CDYL: variants seen among roughly 807,000 people sequenced by gnomAD.
CDYL encodes chromodomain Y like, also known as chromodomain Y-like protein.
Under a neutral mutation model 47.3 loss-of-function variants are expected in CDYL, and 8 were observed. The ratio of observed to expected loss-of-function variants is 0.17; its 90% CI spans 0.10 to 0.31. The LOEUF is 0.31. Ranked by LOEUF, CDYL falls within the 10% of genes least tolerant of loss-of-function variation. The probability of loss-of-function intolerance (pLI) is 1.00; values close to 1 mark genes in which losing one functional copy is unlikely to be tolerated. For synonymous variants in CDYL, 266 were observed against 265.0 expected (o/e 1.00, Z -0.04); for missense variants, 471 against 701.4 (o/e 0.67, Z 3.71).
chr6:4,826,776 A>G (rs1013311135), intron 1 of CDYL, among the ~76,000 whole-genome samples: 3 of 152,216 alleles, frequency 2.0e-5, no homozygotes, highest in African/African-American at 7.2e-5. Flanking sequence ...TGTTCTGGAA[A>G]ATGATTCATA....
intron 2 of CDYL, among the ~76,000 whole-genome samples, chr6:4,903,188 G>A (rs1468420569): frequency 6.6e-6 from 1 of 152,210 alleles, no homozygotes; most frequent in Non-Finnish European, 1.5e-5. Flanking sequence ...GCCGCCCTAA[G>A]CACTTAGGGG....
chr6:4,925,920 T>C (rs1314662067), intron 2 of CDYL, among the ~76,000 whole-genome samples: 1 of 152,202 alleles, frequency 6.6e-6, no homozygotes, highest in African/African-American at 2.4e-5. Context: ...CGTTTTCCCC[T>C]GTACTAGAAC....
rs947708830 is a variant in CDYL at position 4,854,251 on chromosome 6, T to C, written c.25-37462T>C. 6.6e-5 allele frequency among the ~76,000 whole-genome samples: 10 copies of C among 152,350 alleles called. No homozygotes were observed. The South Asian group carries it at 1.7e-3, about 25-fold the overall frequency. ...ACTGGAATTGTCGCTTAGATTCTTATGTAATCTGAGTGATGCCGTCTTGCA... is the reference window on the plus strand; with the variant it reads ...ACTGGAATTGTCGCTTAGATTCTTACGTAATCTGAGTGATGCCGTCTTGCA... On this transcript the variant is annotated intron_variant, in intron 1 of 6. Transcript: ENST00000397588.
intron 2 of CDYL, among the ~76,000 whole-genome samples, chr6:4,932,990 C>T (rs1021434687): frequency 2.0e-5 from 3 of 152,196 alleles, no homozygotes; most frequent in Admixed American, 6.5e-5. Context: ...CTCCCTGCGT[C>T]GCCTCTTCTG....
At chr6:4,914,034 A>G (rs1455621133) in intron 2 of CDYL, among the ~76,000 whole-genome samples, 3 of 152,064 alleles carry the variant, frequency 2.0e-5, no homozygotes, top group African/African-American at 7.2e-5. Flanking sequence ...CTCTCCTAGG[A>G]GTGGACTATT....
chr6:4,864,830 T>G (rs557151285), intron 1 of CDYL, among the ~76,000 whole-genome samples: 1 of 151,628 alleles, frequency 6.6e-6, no homozygotes, highest in South Asian at 2.1e-4. Flanking sequence ...TTCAGGTATG[T>G]CTTTATCAGC....
chr6:4,846,553 T>C (rs1276406752), intron 1 of CDYL, among the ~76,000 whole-genome samples: 1 of 152,154 alleles, frequency 6.6e-6, no homozygotes, highest in Non-Finnish European at 1.5e-5. Flanking sequence ...GAGGGAGCTG[T>C]TAGTTATCTT....
intron 2 of CDYL, among the ~76,000 whole-genome samples, chr6:4,720,808 C>T (rs745617989): frequency 3.9e-5 from 6 of 152,300 alleles, no homozygotes; most frequent in Non-Finnish European, 7.3e-5. Flanking sequence ...AATTGAAAAG[C>T]ATTCGGATCA....
At chr6:4,922,595 C>T (rs561966694) in intron 2 of CDYL, among the ~76,000 whole-genome samples, 5 of 152,314 alleles carry the variant, frequency 3.3e-5, no homozygotes, top group Admixed American at 6.5e-5. Flanking sequence ...CCCACCAGTA[C>T]GTGCTTCAGA....
intron 1 of CDYL, among the ~76,000 whole-genome samples, chr6:4,885,049 A>G (rs1157196538): frequency 6.6e-6 from 1 of 151,970 alleles, no homozygotes; most frequent in Non-Finnish European, 1.5e-5. Flanking sequence ...TCTGGAGTGC[A>G]GTGGTGTGAT....
intron 1 of CDYL, among the ~76,000 whole-genome samples, chr6:4,788,052 G>A (rs1758804126): frequency 6.6e-6 from 1 of 151,970 alleles, no homozygotes. Context: ...GATTATAGGT[G>A]TGAGCCACCG....
chr6:4,914,975 C>T (rs1409409590), intron 2 of CDYL, among the ~76,000 whole-genome samples: 1 of 152,220 alleles, frequency 6.6e-6, no homozygotes, highest in Non-Finnish European at 1.5e-5. Context: ...GGCACGTATC[C>T]TTGCCTTTAT....
At position 4,935,496 on chromosome 6, in the gene CDYL, G is replaced by A. The variant is rs1373789510; in HGVS notation, c.692-19G>A. 1 of 1,612,248 alleles carries A rather than the reference G, an allele frequency of 6.2e-7. No homozygotes were observed. Among genetic ancestry groups the A allele is most frequent in the African/African-American group, 1.3e-5 (1 of 75,004 alleles). The stretch of plus-strand genomic sequence containing the variant: ...GTGGTGGGACATCACAGACTACTGT[G>A]ATTTCAAACTCTCGGCAGGTACATC... On this transcript the variant is annotated intron_variant, in intron 2 of 6. Transcript: ENST00000397588.
intron 2 of CDYL, among the ~76,000 whole-genome samples, chr6:4,927,479 A>G (rs1232561109): frequency 8.0e-6 from 1 of 125,742 alleles, no homozygotes; most frequent in Non-Finnish European, 1.6e-5. Flanking sequence ...ACGGAGTCTC[A>G]CTCTGTTGCC....
intron 5 of CDYL, among the ~76,000 whole-genome samples, chr6:4,944,564 C>T (rs1267060210): frequency 6.6e-6 from 1 of 152,186 alleles, no homozygotes; most frequent in East Asian, 1.9e-4. Flanking sequence ...CATGGCAGCA[C>T]AGTTCCATGT....
chr6:4,763,341 G>A (rs928471407), intron 3 of CDYL, among the ~76,000 whole-genome samples: 3 of 151,962 alleles, frequency 2.0e-5, no homozygotes, highest in Admixed American at 6.6e-5. Flanking sequence ...TAAATATGTA[G>A]GTGACTCTAA....
At position 4,943,765 on chromosome 6, in the gene CDYL, C is replaced by G. The variant is rs760150964; in HGVS notation, c.1332+9C>G. ...TAATGGGAGGAGCATCTGTGAGTACCTTTTTAAAAAAAAAAAAAAAAAGTC... is the reference window on the plus strand; with the variant it reads ...TAATGGGAGGAGCATCTGTGAGTACGTTTTTAAAAAAAAAAAAAAAAAGTC... On this transcript the variant is annotated intron_variant, in intron 5 of 6. Transcript: ENST00000397588. 1 of 1,200,600 alleles carries G rather than the reference C, an allele frequency of 8.3e-7. No individual in the cohort carries two copies. The highest frequency in any genetic ancestry group is 1.9e-5 in the African/African-American group (1 of 51,854). 74.4% of individuals were successfully genotyped at this position (1,200,600 alleles called of 1,614,324 possible).
chr6:4,833,645 G>T (rs1448057207), intron 1 of CDYL, among the ~76,000 whole-genome samples: 1 of 149,582 alleles, frequency 6.7e-6, no homozygotes, highest in African/African-American at 2.5e-5. Context: ...TTTCTGTCTT[G>T]TTGATCTGTC....
At chr6:4,801,337 C>CT (rs1256639660) in intron 1 of CDYL, among the ~76,000 whole-genome samples, 2 of 152,134 alleles carry the variant, frequency 1.3e-5, no homozygotes, top group African/African-American at 2.4e-5. Flanking sequence ...TGTTTGAAGT[C>CT]TGTTAAATCC....
Sources: gnomAD v4.1 joint callset for allele counts (sites outside exome capture counted in the v4.1 genomes callset) on GRCh38, gnomAD v4.1.1 for gene constraint, MANE v1.5 for transcripts, NCBI Gene and HGNC (gene_info 2026-07-23, HGNC 2026-07-21) for gene names.